ADAM18: variants seen among roughly 807,000 people sequenced by gnomAD.
ADAM18 encodes disintegrin and metalloproteinase domain-containing protein 18.
ADAM18 carries 117 observed loss-of-function variants against 94.4 expected under a neutral mutation model. The ratio of observed to expected loss-of-function variants is 1.24; its 90% CI spans 1.07 to 1.45. The LOEUF is 1.45. ADAM18 is among the 40% of genes most tolerant of loss of function. The pLI is 0.00. For missense variants in ADAM18, 936 were observed against 880.0 expected, an observed-to-expected ratio of 1.06 and a Z score of -0.81; for synonymous variants, 327 against 291.6, an observed-to-expected ratio of 1.12 and a Z score of -1.24.
chr8:39,585,253 A>G (rs748298766), intron 1 of ADAM18, 23 bp from the exon 2 acceptor site: 2 of 1,598,868 alleles, frequency 1.3e-6, no homozygotes, highest in South Asian at 1.1e-5. Context: ...AAAGACAAAA[A>G]CAAACACATT....
At position 39,609,093 on chromosome 8, in the gene ADAM18, T is replaced by A. The variant is rs756715598; in HGVS notation, c.240T>A (p.Ser80=). 1.8e-5 allele frequency: 28 copies of A among 1,594,182 alleles called. No homozygotes were observed. The South Asian group carries it at 2.7e-4, about 15-fold the overall frequency. ...TTTATACATATAATGAAACTGGATC[T>A]TTGCATTCTGTGTCTCCATATTTTA... ...FLVYTYNETG[S]LHSVSPYFMM... The change falls in exon 4 of 20, where the codon TCT becomes TCA. Residue 80 remains serine, a synonymous_variant. Coordinates refer to ENST00000265707, the MANE Select transcript of ADAM18 (RefSeq NM_014237.3).
At chr8:39,711,712 G>A (rs190812933) in intron 18 of ADAM18, among the ~76,000 whole-genome samples, 3 of 151,996 alleles carry the variant, frequency 2.0e-5, no homozygotes, top group Admixed American at 6.6e-5. Flanking sequence ...TGAATCTGAG[G>A]ACCAGAAAGC....
intron 6 of ADAM18, among the ~76,000 whole-genome samples, chr8:39,614,950 C>T (rs895347892): frequency 1.3e-5 from 2 of 152,136 alleles, no homozygotes; most frequent in Admixed American, 1.3e-4. Flanking sequence ...CGCCCAGATT[C>T]ATAAAGCAAG....
At chr8:39,685,927 T>TGTTATA (rs1821595584) in intron 16 of ADAM18, among the ~76,000 whole-genome samples, 1 of 152,144 alleles carries the variant, frequency 6.6e-6, no homozygotes. Flanking sequence ...AGATCGTCTT[T>TGTTATA]CCCTCATTTT....
chr8:39,653,885 T>C (rs951516213), intron 12 of ADAM18, among the ~76,000 whole-genome samples: 1 of 152,192 alleles, frequency 6.6e-6, no homozygotes, highest in African/African-American at 2.4e-5. Flanking sequence ...TTTTAAACTA[T>C]AATTTACTTA....
chr8:39,701,024 A>G (rs1049880536), intron 17 of ADAM18, among the ~76,000 whole-genome samples: 23 of 142,488 alleles, frequency 1.6e-4, no homozygotes, highest in Non-Finnish European at 2.9e-4. Flanking sequence ...AGGCTGAGGC[A>G]GGAGAATGGC....
intron 12 of ADAM18, among the ~76,000 whole-genome samples, chr8:39,649,526 A>G (rs572667568): frequency 6.6e-6 from 1 of 152,240 alleles, no homozygotes; most frequent in South Asian, 2.1e-4. Flanking sequence ...TTTTTTATGA[A>G]TCATAAAATA....
At chr8:39,631,654 G>T (rs1819933682) in intron 7 of ADAM18, among the ~76,000 whole-genome samples, 2 of 151,170 alleles carry the variant, frequency 1.3e-5, no homozygotes, top group East Asian at 1.9e-4. Context: ...GACTATTCTG[G>T]GCCCCTTTTA....
At chr8:39,661,943 T>A (rs1820852508) in intron 12 of ADAM18, among the ~76,000 whole-genome samples, 1 of 149,232 alleles carries the variant, frequency 6.7e-6, no homozygotes, top group African/African-American at 2.4e-5. Context: ...TATATATATT[T>A]TATATATATA....
At chr8:39,629,232 T>C (rs1819862645) in intron 6 of ADAM18, 142 bp from the exon 7 acceptor site, 1 of 597,762 alleles carries the variant, frequency 1.7e-6, no homozygotes, top group African/African-American at 2.0e-5. Flanking sequence ...GAAGTAAAAT[T>C]TTCTACATCA....
intron 2 of ADAM18, among the ~76,000 whole-genome samples, chr8:39,602,866 A>T (rs1277420581): frequency 6.6e-6 from 1 of 151,570 alleles, no homozygotes; most frequent in Non-Finnish European, 1.5e-5. Flanking sequence ...ATATCTAAAA[A>T]CTCATCATCA....
At chr8:39,663,012 G>A (rs1820885500) in intron 12 of ADAM18, among the ~76,000 whole-genome samples, 1 of 151,956 alleles carries the variant, frequency 6.6e-6, no homozygotes, top group South Asian at 2.1e-4. Context: ...AGTAAAACAT[G>A]GTACATAAAT....
chr8:39,701,322 T>C (rs957019344), intron 17 of ADAM18, among the ~76,000 whole-genome samples: 3 of 151,644 alleles, frequency 2.0e-5, no homozygotes, highest in African/African-American at 7.3e-5. Flanking sequence ...CTGATATATG[T>C]ATTGTTCTAT....
intron 17 of ADAM18, among the ~76,000 whole-genome samples, chr8:39,696,700 GCTCT>G (rs1335269664): frequency 6.6e-6 from 1 of 151,458 alleles, no homozygotes; most frequent in Non-Finnish European, 1.5e-5. Context: ...TAATTTCTGG[GCTCT>G]CTATTCTCCA....
At chr8:39,608,740 C>T (rs1212574709) in intron 3 of ADAM18, among the ~76,000 whole-genome samples, 1 of 152,054 alleles carries the variant, frequency 6.6e-6, no homozygotes, top group African/African-American at 2.4e-5. Context: ...ATCCCAGCAC[C>T]TACATGAGGG....
intron 14 of ADAM18, among the ~76,000 whole-genome samples, chr8:39,670,593 C>T (rs1821126342): frequency 6.6e-6 from 1 of 152,066 alleles, no homozygotes; most frequent in African/African-American, 2.4e-5. Context: ...ATGCAAAGAG[C>T]CTGCAATATT....
At chr8:39,610,233 G>C (rs1819226998) in intron 5 of ADAM18, among the ~76,000 whole-genome samples, 1 of 152,010 alleles carries the variant, frequency 6.6e-6, no homozygotes, top group Non-Finnish European at 1.5e-5. Context: ...GTTTTTCCTG[G>C]AATTCTCAAC....
intron 14 of ADAM18, among the ~76,000 whole-genome samples, chr8:39,668,605 C>T (rs1821059807): frequency 6.6e-6 from 1 of 152,042 alleles, no homozygotes; most frequent in South Asian, 2.1e-4. Flanking sequence ...TGAGGAATAA[C>T]TGCTAAGATA....
intron 12 of ADAM18, among the ~76,000 whole-genome samples, 197 bp from the exon 13 acceptor site, chr8:39,663,598 C>CAAAAAA (rs10597769): frequency 3.7e-3 from 73 of 19,518 alleles, no homozygotes; most frequent in Non-Finnish European, 4.4e-3. Flanking sequence ...AATCCTGTCT[C>CAAAAAA]AAAAAAAAAA....
Sources: gnomAD v4.1 joint callset for allele counts (sites outside exome capture counted in the v4.1 genomes callset) on GRCh38, gnomAD v4.1.1 for gene constraint, MANE v1.5 for transcripts, NCBI Gene and HGNC (gene_info 2026-07-23, HGNC 2026-07-21) for gene names.